Variants in GALNT7 observed in about 807,000 individuals in gnomAD.
The protein encoded by GALNT7 is N-acetylgalactosaminyltransferase 7.
In GALNT7, 60 loss-of-function variants were observed where a neutral mutation model predicts 82.1. That is an observed-to-expected ratio of 0.73 (90% CI 0.59 to 0.91). The LOEUF (loss-of-function observed/expected upper bound fraction) is 0.91, where lower values mean the gene tolerates loss of function less well. GALNT7 is among the 40% of genes least tolerant of loss of function. The pLI, the probability that GALNT7 is intolerant of heterozygous loss-of-function variation, is 0.00. For missense variants in GALNT7, 660 were observed against 804.2 expected, an observed-to-expected ratio of 0.82 and a Z score of 2.17; for synonymous variants, 243 against 275.1, an observed-to-expected ratio of 0.88 and a Z score of 1.15.
chr4:173,298,292 G>T lies in GALNT7; in HGVS notation c.1143G>T (p.Pro381=). 6.4e-7 allele frequency: 1 copy of T among 1,555,296 alleles called. No homozygotes were observed. Among genetic ancestry groups the T allele is most frequent in the South Asian group, 1.2e-5 (1 of 81,002 alleles). ...GACTGAGAAAGACAAAAACTGAACC[G>T]TATCGGTAATCACTAAATCACTTAC... ...EKRLRKTKTE[P]YRSPAMAGGL... The change falls in exon 6 of 12, where the codon CCG becomes CCT. Residue 381 remains proline, a synonymous_variant. Transcript: ENST00000265000.
chr4:173,248,234 T>G lies in GALNT7; in HGVS notation c.381T>G (p.Leu127=). 1 of 1,613,916 alleles carries G rather than the reference T, an allele frequency of 6.2e-7. No homozygotes were observed. Among genetic ancestry groups the G allele is most frequent in the South Asian group, 1.1e-5 (1 of 91,084 alleles). Residue 127 remains leucine (L), a synonymous_variant, in exon 2 of 12, where the codon CTT becomes CTG. Transcript: ENST00000265000. Reference sequence around the variant, plus strand: ...CATTCACCTACCATGATCCTGTGCTTCGCCCAGGGATCCTCGGTAACTTTG... The same window carrying G: ...CATTCACCTACCATGATCCTGTGCTGCGCCCAGGGATCCTCGGTAACTTTG... ...PQTFTYHDPV[L]RPGILGNFEP... is the part of the protein sequence containing the mutation.
chr4:173,201,082 T>TA (rs1419594694), intron 1 of GALNT7, among the ~76,000 whole-genome samples: 1 of 152,210 alleles, frequency 6.6e-6, no homozygotes, highest in East Asian at 1.9e-4. Context: ...TTTTGTAAAT[T>TA]ACTGTTTTTT....
intron 1 of GALNT7, among the ~76,000 whole-genome samples, chr4:173,229,813 C>CA (rs1733969116): frequency 6.6e-6 from 1 of 152,096 alleles, no homozygotes; most frequent in Admixed American, 6.5e-5. Context: ...AGTCAGTATT[C>CA]AATGAAATAC....
At chr4:173,200,682 A>G (rs556749144) in intron 1 of GALNT7, among the ~76,000 whole-genome samples, 1 of 152,166 alleles carries the variant, frequency 6.6e-6, no homozygotes, top group African/African-American at 2.4e-5. Context: ...AAGGAGTGGG[A>G]GGTGAATGTG....
chr4:173,252,920 C>T (rs1465663915), intron 2 of GALNT7, among the ~76,000 whole-genome samples: 3 of 152,088 alleles, frequency 2.0e-5, no homozygotes, highest in African/African-American at 7.2e-5. Flanking sequence ...GGATACTTTG[C>T]CAGGCATGGT....
intron 2 of GALNT7, among the ~76,000 whole-genome samples, chr4:173,257,945 A>G (rs1735105492): frequency 6.6e-6 from 1 of 152,180 alleles, no homozygotes; most frequent in South Asian, 2.1e-4. Context: ...CTCCCTCCAG[A>G]GTCCACACGT....
chr4:173,297,830 A>T, intron 5 of GALNT7: 1 of 1,471,746 alleles, frequency 6.8e-7, no homozygotes, highest in Non-Finnish European at 8.9e-7. Context: ...GATTACATAG[A>T]TGGGAATGAT....
At chr4:173,299,279 A>C (rs972329719) in intron 6 of GALNT7, among the ~76,000 whole-genome samples, 1 of 152,202 alleles carries the variant, frequency 6.6e-6, no homozygotes, top group Non-Finnish European at 1.5e-5. Context: ...GCTTAATTGG[A>C]CATTTACCAA....
chr4:173,236,896 T>C (rs1734250763), intron 1 of GALNT7, among the ~76,000 whole-genome samples: 1 of 152,256 alleles, frequency 6.6e-6, no homozygotes, highest in Non-Finnish European at 1.5e-5. Context: ...TTTTATCTTT[T>C]AATGATGCAT....
intron 2 of GALNT7, among the ~76,000 whole-genome samples, chr4:173,280,787 G>C (rs547584219): frequency 4.9e-4 from 74 of 152,276 alleles, no homozygotes; most frequent in Non-Finnish European, 9.3e-4. Context: ...GCAGAATAGG[G>C]GGTTTTACCT....
At chr4:173,256,969 T>A (rs1347403234) in intron 2 of GALNT7, among the ~76,000 whole-genome samples, 1 of 152,142 alleles carries the variant, frequency 6.6e-6, no homozygotes, top group Admixed American at 6.5e-5. Context: ...ATGGCCACAA[T>A]GGGGAGAAAC....
At chr4:173,252,794 C>T (rs927712646) in intron 2 of GALNT7, among the ~76,000 whole-genome samples, 1 of 152,100 alleles carries the variant, frequency 6.6e-6, no homozygotes, top group Non-Finnish European at 1.5e-5. Context: ...CCATCTACCA[C>T]TAGGGAGAAA....
intron 1 of GALNT7, among the ~76,000 whole-genome samples, chr4:173,201,596 C>T (rs1732946543): frequency 6.6e-6 from 1 of 152,172 alleles, no homozygotes; most frequent in South Asian, 2.1e-4. Context: ...TTTCGGTTTA[C>T]AGGATTCAAA....
chr4:173,175,836 G>A (rs1272560415), intron 1 of GALNT7, among the ~76,000 whole-genome samples: 1 of 152,192 alleles, frequency 6.6e-6, no homozygotes. Flanking sequence ...GCTTTGGGAG[G>A]CCTAGGCAGG....
chr4:173,316,937 G>C (rs1301296919), intron 9 of GALNT7: 1 of 152,162 alleles, frequency 6.6e-6, no homozygotes, highest in Non-Finnish European at 1.5e-5. Flanking sequence ...ACCATGACTT[G>C]CACCTCTTCA....
rs190945752 is a variant in GALNT7, at chr4:173,296,800, G to A, written c.965+957G>A. ...GTGAATACCAGCAGGCTTCTGGGCA[G>A]TGAGGAAGTGGTTTTCCAGATTCCA... On this transcript the variant is annotated intron_variant, in intron 5 of 11. Transcript: ENST00000265000. 1.8e-3 allele frequency among the ~76,000 whole-genome samples: 271 copies of A among 152,284 alleles called. 1 individual carries two copies. The highest frequency in any genetic ancestry group is 6.3e-3 in the African/African-American group (262 of 41,550).
intron 8 of GALNT7, among the ~76,000 whole-genome samples, chr4:173,312,106 T>C (rs1283061748): frequency 1.3e-5 from 2 of 152,200 alleles, no homozygotes; most frequent in Admixed American, 6.5e-5. Flanking sequence ...ACAGAGACTG[T>C]ATAGCCCAAA....
intron 5 of GALNT7, among the ~76,000 whole-genome samples, chr4:173,297,335 TC>T (rs1482563127): frequency 6.6e-6 from 1 of 152,076 alleles, no homozygotes; most frequent in Non-Finnish European, 1.5e-5. Flanking sequence ...TCATAACTGT[TC>T]CCAAGAAATA....
In GALNT7 at chr4:173,192,384, TA is replaced by T. The variant is rs541517604; in HGVS notation, c.126+23432del. On this transcript the variant is annotated intron_variant, in intron 1 of 11. Coordinates refer to ENST00000265000, the MANE Select transcript of GALNT7 (RefSeq NM_017423.3). Reference sequence around the variant, plus strand: ...CAACTTTATAAGCAACAAGTTCCTTTAAAAAAAAATACCTTTGTCTTCAAAC... The same window carrying T: ...CAACTTTATAAGCAACAAGTTCCTTTAAAAAAAATACCTTTGTCTTCAAAC... Among the ~76,000 whole-genome samples the T allele has an allele frequency of 6.3e-3, 956 of 151,522 alleles. 6 individuals are homozygous for T. Among genetic ancestry groups the T allele is most frequent in the African/African-American group, 0.022 (917 of 41,356 alleles).
Sources: allele counts gnomAD v4.1 joint callset (sites outside exome capture counted in the v4.1 genomes callset), GRCh38; gene constraint gnomAD v4.1.1; transcripts MANE v1.5; gene names NCBI Gene and HGNC (gene_info 2026-07-23, HGNC 2026-07-21).